Variants in LUC7L3 observed in about 807,000 individuals in gnomAD.
LUC7L3 encodes the protein luc7-like protein 3.
Under a neutral mutation model 66.8 loss-of-function variants are expected in LUC7L3, and 6 were observed. That is an observed-to-expected ratio of 0.09 (90% CI 0.05 to 0.18). The LOEUF (loss-of-function observed/expected upper bound fraction) is 0.18, where lower values mean the gene tolerates loss of function less well. Among genes scored for constraint, LUC7L3 ranks in the 10% least tolerant of loss-of-function variants. The pLI is 1.00. For synonymous variants in LUC7L3, 160 were observed against 174.7 expected, an observed-to-expected ratio of 0.92 and a Z score of 0.66; for missense variants, 341 against 531.1, an observed-to-expected ratio of 0.64 and a Z score of 3.52.
rs1421896083 is a variant in LUC7L3 at position 50,736,309 on chromosome 17, G to T, written c.100-651G>T. Among the ~76,000 whole-genome samples the T allele has an allele frequency of 2.0e-5, 3 of 152,222 alleles. No homozygotes were observed. The East Asian group carries it at 5.8e-4, about 29-fold the overall frequency. The stretch of plus-strand genomic sequence containing the variant: ...GAGTTACAAAAGTACCAGTGGGAGA[G>T]AATTAAACATTGGTTTTATGTTAAT... On this transcript the variant is annotated intron_variant, in intron 1 of 9. Coordinates refer to ENST00000505658, the MANE Select transcript of LUC7L3 (RefSeq NM_016424.5).
In LUC7L3 at chr17:50,750,967, T is replaced by C. The variant is rs940013606; in HGVS notation, c.*306T>C. On this transcript the variant is annotated 3_prime_UTR_variant, in exon 10 of 10. Coordinates refer to ENST00000505658, the MANE Select transcript of LUC7L3 (RefSeq NM_016424.5). ...GTCGCCATTGAAAAGTTAATTATCC[T>C]TTTTTTAGGGATTTTGATGTCATTT... 2.0e-5 allele frequency: 29 copies of C among 1,483,834 alleles called. No homozygotes were observed. The highest frequency in any genetic ancestry group is 2.5e-5 in the East Asian group (1 of 40,300). 91.9% of individuals were successfully genotyped at this position (1,483,834 alleles called of 1,614,324 possible).
Position 50,724,033 on chromosome 17 carries a change from T to C in LUC7L3, c.99+4202T>C. 1.8e-5 allele frequency: 8 copies of C among 445,892 alleles called. 1 individual carries two copies. The highest frequency in any genetic ancestry group is 1.3e-4 in the South Asian group (8 of 63,672). The allele number at this position is 445,892 out of a possible 1,614,324, so 27.6% of individuals were successfully genotyped here. On this transcript the variant is annotated intron_variant, in intron 1 of 9. Coordinates refer to ENST00000505658, the MANE Select transcript of LUC7L3 (RefSeq NM_016424.5). ...TATGTGTATGTAATTGCTATTTGCT[T>C]TTCTTCCCAAAACATACAGAATTAG...
intron 1 of LUC7L3, among the ~76,000 whole-genome samples, chr17:50,732,780 TAGCTGG>T (rs1173462300): frequency 1.3e-5 from 2 of 152,132 alleles, no homozygotes; most frequent in African/African-American, 4.8e-5. Flanking sequence ...TCTGTCACCC[TAGCTGG>T]AGTGCAGCGG....
intron 9 of LUC7L3, 82 bp downstream of exon 9, chr17:50,746,784 A>G (rs1970695419): frequency 5.5e-6 from 7 of 1,268,948 alleles, no homozygotes; most frequent in Non-Finnish European, 7.7e-6. Flanking sequence ...GACACAGGCA[A>G]AGATCCATTT....
chr17:50,748,639 C>T (rs562342160), intron 9 of LUC7L3, among the ~76,000 whole-genome samples: 12 of 152,054 alleles, frequency 7.9e-5, no homozygotes, highest in African/African-American at 9.6e-5. Flanking sequence ...TAAAACTTTT[C>T]GTTAAGCGGA....
intron 2 of LUC7L3, among the ~76,000 whole-genome samples, chr17:50,739,662 CAA>C (rs1363593853): frequency 6.7e-6 from 1 of 149,934 alleles, no homozygotes; most frequent in African/African-American, 2.5e-5. Context: ...TCAAAAAAAA[CAA>C]AACAACAACA....
intron 9 of LUC7L3, among the ~76,000 whole-genome samples, chr17:50,750,093 C>CT (rs1440429199): frequency 2.6e-5 from 4 of 152,048 alleles, no homozygotes; most frequent in Non-Finnish European, 5.9e-5. Flanking sequence ...AAACATTCAA[C>CT]TTTTTTTCAC....
chr17:50,743,910 G>A (rs995447902), intron 6 of LUC7L3, 100 bp downstream of exon 6: 3 of 849,348 alleles, frequency 3.5e-6, no homozygotes, highest in Non-Finnish European at 5.6e-6. Flanking sequence ...TCCAAACTTA[G>A]AGTCAGCACA....
At chr17:50,734,495 C>T (rs957515281) in intron 1 of LUC7L3, among the ~76,000 whole-genome samples, 2 of 152,024 alleles carry the variant, frequency 1.3e-5, no homozygotes, top group African/African-American at 2.4e-5. Flanking sequence ...TTCTTAGAGA[C>T]GAGTTGTCAC....
At position 50,741,743 on chromosome 17, in the gene LUC7L3, G is replaced by A. The variant is rs1247609665; in HGVS notation, c.426+12G>A. 8.8e-6 allele frequency: 14 copies of A among 1,597,488 alleles called. No individual in the cohort carries two copies. Among genetic ancestry groups the A allele is most frequent in the Non-Finnish European group, 1.1e-5 (13 of 1,165,862 alleles). Reference sequence around the variant, plus strand: ...TACTTCTGCAACAGGTGAGAATTGTGTGCATTAATGTCAGGAAGTAATGTG... The same window carrying A: ...TACTTCTGCAACAGGTGAGAATTGTATGCATTAATGTCAGGAAGTAATGTG... On this transcript the variant is annotated intron_variant, in intron 5 of 9. Transcript: ENST00000505658.
In LUC7L3 at chr17:50,754,619, A is replaced by G. The variant is rs1374477954; in HGVS notation, c.*3958A>G. The stretch of plus-strand genomic sequence containing the variant: ...CTCTCCTCTGGAATGTAGAGATAAT[A>G]CATATCATGCTCCTTTTTGTTAAAA... On this transcript the variant is annotated 3_prime_UTR_variant, in exon 10 of 10. Coordinates refer to ENST00000505658, the MANE Select transcript of LUC7L3 (RefSeq NM_016424.5). 6.6e-6 allele frequency: 1 copy of G among 152,208 alleles called. No homozygotes were observed. The highest frequency in any genetic ancestry group is 2.4e-5 in the African/African-American group (1 of 41,450). The allele number at this position is 152,208 out of a possible 1,614,324, so 9.4% of individuals were successfully genotyped here. A position where few individuals can be genotyped will look rare whatever the true frequency, so the allele number is the denominator to read the frequency against.
At chr17:50,729,626 T>TG (rs1255299733) in intron 1 of LUC7L3, among the ~76,000 whole-genome samples, 1 of 151,848 alleles carries the variant, frequency 6.6e-6, no homozygotes, top group African/African-American at 2.4e-5. Flanking sequence ...TCACCTACCG[T>TG]GCACAGCTTT....
intron 1 of LUC7L3, chr17:50,722,096 C>A (rs1308598922): frequency 3.3e-5 from 5 of 151,376 alleles, no homozygotes; most frequent in Admixed American, 2.0e-4. Flanking sequence ...TTCTGTACTT[C>A]AACCCCTTCA....
chr17:50,734,508 A>T (rs1367269745), intron 1 of LUC7L3, among the ~76,000 whole-genome samples: 2 of 152,090 alleles, frequency 1.3e-5, no homozygotes, highest in Non-Finnish European at 2.9e-5. Context: ...GTTGTCACTT[A>T]ATGTTGCCAG....
chr17:50,732,201 AAGG>A (rs1215518151), intron 1 of LUC7L3, among the ~76,000 whole-genome samples: 1 of 152,218 alleles, frequency 6.6e-6, no homozygotes, highest in African/African-American at 2.4e-5. Context: ...TTCTTAACAC[AAGG>A]AACAGTAGAT....
At position 50,736,110 on chromosome 17, in the gene LUC7L3, G is replaced by A. The variant is rs190287653; in HGVS notation, c.100-850G>A. ...ATGGTGCCACTGTGCTCTAGCCTGG[G>A]CAACAGAGTGAGTGAGACTCTGTTT... is the stretch of plus-strand genomic sequence containing the variant. On this transcript the variant is annotated intron_variant, in intron 1 of 9. Coordinates refer to ENST00000505658, the MANE Select transcript of LUC7L3 (RefSeq NM_016424.5). Among the ~76,000 whole-genome samples, 692 of 152,318 alleles carry A rather than the reference G, an allele frequency of 4.5e-3. 2 individuals carry two copies. The highest frequency in any genetic ancestry group is 0.01 in the Admixed American group (154 of 15,306).
At chr17:50,736,639 A>G (rs572997141) in intron 1 of LUC7L3, 45 of 276,516 alleles carry the variant, frequency 1.6e-4, no homozygotes, top group Middle Eastern at 1.3e-3. Context: ...GAATAGCGTA[A>G]GAGTTTTTAA....
chr17:50,724,756 CTTTTT>C (rs58826303), intron 1 of LUC7L3, among the ~76,000 whole-genome samples: 2 of 128,470 alleles, frequency 1.6e-5, no homozygotes, highest in African/African-American at 2.9e-5. Flanking sequence ...AATATTTTCT[CTTTTT>C]TTTTTTTTTT....
rs1002567114 is a variant in LUC7L3 at position 50,741,424 on chromosome 17, C to G, written c.351+178C>G. ...ATTAGCAAACATAACACTGATTTTG[C>G]TAACCATAAGATTTTTCTTTGTTTT... On this transcript the variant is annotated intron_variant, in intron 4 of 9. Transcript: ENST00000505658. The G allele has an allele frequency of 9.8e-5, 71 of 726,590 alleles. 1 individual carries two copies. The African/African-American group carries it at 1.1e-3, about 11-fold the overall frequency. 45.0% of individuals were successfully genotyped at this position (726,590 alleles called of 1,614,324 possible). A position where few individuals can be genotyped will look rare whatever the true frequency, so the allele number is the denominator to read the frequency against.
Sources: allele counts gnomAD v4.1 joint callset (sites outside exome capture counted in the v4.1 genomes callset), GRCh38; gene constraint gnomAD v4.1.1; transcripts MANE v1.5; gene names NCBI Gene and HGNC (gene_info 2026-07-23, HGNC 2026-07-21).